Variants in TRMT44 observed in about 807,000 individuals in gnomAD.
TRMT44 encodes the protein probable tRNA (uracil-O(2)-)-methyltransferase.
Under a neutral mutation model 77.3 loss-of-function variants are expected in TRMT44, and 78 were observed. That is an observed-to-expected ratio of 1.01 (90% CI 0.84 to 1.22). TRMT44 has a LOEUF of 1.22. Among genes scored for constraint, TRMT44 ranks in the 50% most tolerant of loss-of-function variants. The probability of loss-of-function intolerance (pLI) is 0.00; values close to 1 mark genes in which losing one functional copy is unlikely to be tolerated. For synonymous variants in TRMT44, 391 were observed against 383.3 expected, an observed-to-expected ratio of 1.02 and a Z score of -0.23; for missense variants, 1,090 against 964.4, an observed-to-expected ratio of 1.13 and a Z score of -1.73.
chr4:8,487,853 C>A (rs529444669), intron 2 of TRMT44, among the ~76,000 whole-genome samples: 1 of 152,186 alleles, frequency 6.6e-6, no homozygotes. Context: ...TGGTCTGACA[C>A]CTCTGAAACC....
Position 8,476,118 on chromosome 4 carries a change from C to T in TRMT44, c.*117C>T. On this transcript the variant is annotated 3_prime_UTR_variant, in exon 11 of 11. Coordinates refer to ENST00000389737, the MANE Select transcript of TRMT44 (RefSeq NM_152544.3). ...TGTGTTTCAGCCCACCTCCTCCCAG[C>T]TTTCTCCACATCCTCACAGTGATGA... 1.1e-6 allele frequency: 1 copy of T among 874,648 alleles called. No individual in the cohort carries two copies. 54.2% of individuals were successfully genotyped at this position (874,648 alleles called of 1,614,324 possible).
At position 8,468,068 on chromosome 4, in the gene TRMT44, G is replaced by C; in HGVS notation, c.1649G>C (p.Ser550Thr). The change falls in exon 9 of 11, where the codon AGT becomes ACT. Residue 550 changes from serine to threonine, a missense_variant. Ser to Thr is a moderately conservative substitution (Grantham distance 58, BLOSUM62 1). Transcript: ENST00000389737. ...SPSPRWVAAG[S>T]AGHCDGQQAL... ...TCTCCACGCTGGGTTGCTGCTGGCAGTGCTGGTCACTGTGACGGTCAGCAA... is the reference window on the plus strand; with the variant it reads ...TCTCCACGCTGGGTTGCTGCTGGCACTGCTGGTCACTGTGACGGTCAGCAA... 1.2e-6 allele frequency: 2 copies of C among 1,613,978 alleles called. No homozygotes were observed. Among genetic ancestry groups the C allele is most frequent in the Non-Finnish European group, 1.7e-6 (2 of 1,180,046 alleles).
chr4:8,469,031 G>A (rs967422623), intron 9 of TRMT44, among the ~76,000 whole-genome samples: 5 of 152,138 alleles, frequency 3.3e-5, no homozygotes, highest in African/African-American at 9.7e-5. Flanking sequence ...CGGCCCCTCC[G>A]TCGGTGACTT....
In TRMT44 at chr4:8,465,390, T is replaced by C; in HGVS notation, c.1323T>C (p.Asn441=). ...IPVIAARSSY[N]CRFFVLPCCF... ...GTTCTTTTTGAAGGTCTTCCTACAA[T>C]TGCCGCTTCTTTGTCCTCCCCTGCT... The change falls in exon 8 of 11, where the codon AAT becomes AAC. Residue 441 remains asparagine, a synonymous_variant. Coordinates refer to ENST00000389737, the MANE Select transcript of TRMT44 (RefSeq NM_152544.3). 6.2e-7 allele frequency: 1 copy of C among 1,611,794 alleles called. No homozygotes were observed. The highest frequency in any genetic ancestry group is 2.2e-5 in the East Asian group (1 of 44,878).
chr4:8,441,407 C>T lies in TRMT44; in HGVS notation c.585C>T (p.Pro195=), dbSNP rs1461670540. 1 of 1,524,740 alleles carries T rather than the reference C, an allele frequency of 6.6e-7. No homozygotes were observed. Among genetic ancestry groups the T allele is most frequent in the African/African-American group, 1.4e-5 (1 of 72,876 alleles). 94.5% of individuals were successfully genotyped at this position (1,524,740 alleles called of 1,614,324 possible). ...TVIPKTSPHC[P]LTTPRREIVV... Reference sequence around the variant, plus strand: ...TCCCGAAAACTAGCCCACATTGCCCCCTTACAACTCCCAGGAGGGAAATAG... The same window carrying T: ...TCCCGAAAACTAGCCCACATTGCCCTCTTACAACTCCCAGGAGGGAAATAG... The change falls in exon 1 of 11, where the codon CCC becomes CCT. Residue 195 remains proline, a synonymous_variant. Transcript: ENST00000389737.
chr4:8,450,901 G>A (rs1310641910), intron 3 of TRMT44, among the ~76,000 whole-genome samples: 4 of 146,462 alleles, frequency 2.7e-5, no homozygotes, highest in African/African-American at 1.0e-4. Flanking sequence ...GGGCTCAAGC[G>A]ATTCTCCCTA....
chr4:8,468,080 G>A lies in TRMT44; in HGVS notation c.1661G>A (p.Cys554Tyr). The A allele has an allele frequency of 6.2e-7, 1 of 1,613,950 alleles. No individual in the cohort carries two copies. Among genetic ancestry groups the A allele is most frequent in the Non-Finnish European group, 8.5e-7 (1 of 1,180,028 alleles). ...GTTGCTGCTGGCAGTGCTGGTCACT[G>A]TGACGGTCAGCAAGCTCTGGACGCC... ...RWVAAGSAGH[C>Y]DGQQALDARV... The change falls in exon 9 of 11, where the codon TGT (cysteine) becomes TAT (tyrosine). Residue 554 changes from cysteine (C) to tyrosine (Y), a missense_variant. Physicochemically the swap from Cys to Tyr is radical, Grantham distance 194 (BLOSUM62 -2). Transcript: ENST00000389737.
chr4:8,498,600 GT>G, the TRMT44 span, among the ~76,000 whole-genome samples: 49 of 152,178 alleles, frequency 3.2e-4, no homozygotes, highest in African/African-American at 1.0e-3. The surrounding 1 kb of genome is among the most constrained non-coding windows in gnomAD (Gnocchi z 4.3). Flanking sequence ...GCCTCCTGCT[GT>G]TTACTTAGAT....
chr4:8,468,704 G>C, intron 9 of TRMT44: 1 of 467,794 alleles, frequency 2.1e-6, no homozygotes. Context: ...TGAGTATGTG[G>C]TAAGATTTGG....
At chr4:8,506,639 G>A in the TRMT44 span, among the ~76,000 whole-genome samples, 1 of 152,238 alleles carries the variant, frequency 6.6e-6, no homozygotes, top group Non-Finnish European at 1.5e-5. Flanking sequence ...GCCCCAGGGG[G>A]AGCGGGCCAA....
intron 10 of TRMT44, among the ~76,000 whole-genome samples, 171 bp from the exon 11 acceptor site, chr4:8,475,601 C>T (rs1727322721): frequency 6.6e-6 from 1 of 152,218 alleles, no homozygotes; most frequent in Admixed American, 6.5e-5. Context: ...ACCTCAGTCA[C>T]TCCCACTGGA....
chr4:8,490,246 G>A (rs765744295), intron 2 of TRMT44, among the ~76,000 whole-genome samples: 1 of 152,226 alleles, frequency 6.6e-6, no homozygotes, highest in South Asian at 2.1e-4. Context: ...TAGTGACTCT[G>A]TGTCTGGAAT....
At chr4:8,482,908 T>TG (rs61003947) in intron 2 of TRMT44, among the ~76,000 whole-genome samples, 997 of 80,986 alleles carry the variant, frequency 0.012, 12 homozygotes, top group African/African-American at 0.04. Context: ...GCAAAAATTT[T>TG]GGGGGGGGTG....
At chr4:8,472,895 A>G (rs1411965088) in intron 10 of TRMT44, among the ~76,000 whole-genome samples, 1 of 152,022 alleles carries the variant, frequency 6.6e-6, no homozygotes, top group African/African-American at 2.4e-5. Flanking sequence ...GTCTTTCCCA[A>G]CACTTGTTTT....
intron 7 of TRMT44, 108 bp downstream of exon 7, chr4:8,464,199 A>G (rs1313227991): frequency 1.3e-6 from 1 of 742,054 alleles, no homozygotes; most frequent in Non-Finnish European, 2.3e-6. Flanking sequence ...CAAGCACTTG[A>G]AATGTGGGTA....
At chr4:8,505,521 T>C in the TRMT44 span, among the ~76,000 whole-genome samples, 1 of 152,136 alleles carries the variant, frequency 6.6e-6, no homozygotes, top group African/African-American at 2.4e-5. Flanking sequence ...GCAGCCGGTG[T>C]GGGGGGCATG....
At chr4:8,480,142 T>C (rs995091548), downstream of TRMT44, among the ~76,000 whole-genome samples, 1 of 152,198 alleles carries the variant, frequency 6.6e-6, no homozygotes, top group African/African-American at 2.4e-5. Context: ...TGCAGCAGCC[T>C]CAACTCTTGC....
chr4:8,499,150 G>A, the TRMT44 span, among the ~76,000 whole-genome samples: 1 of 152,124 alleles, frequency 6.6e-6, no homozygotes, highest in South Asian at 2.1e-4. Context: ...GGAGGCCTGG[G>A]TTAGAGGTGG....
downstream of TRMT44, chr4:8,477,283 C>T (rs991181886): frequency 4.6e-5 from 7 of 152,432 alleles, no homozygotes; most frequent in Admixed American, 1.3e-4. Context: ...CACGGGGCGG[C>T]GCTGCCACGG....
Sources: allele counts gnomAD v4.1 joint callset (sites outside exome capture counted in the v4.1 genomes callset), GRCh38; gene constraint gnomAD v4.1.1; non-coding constraint Gnocchi (gnomAD v3.1); transcripts MANE v1.5; gene names NCBI Gene and HGNC (gene_info 2026-07-23, HGNC 2026-07-21).